Variants in FIGLA observed in about 807,000 individuals in gnomAD.
FIGLA encodes folliculogenesis specific bHLH transcription factor.
FIGLA carries 17 observed loss-of-function variants against 21.5 expected under a neutral mutation model. The ratio of observed to expected loss-of-function variants is 0.79; its 90% CI spans 0.54 to 1.19. The LOEUF is 1.19. Among genes scored for constraint, FIGLA ranks in the 50% most tolerant of loss-of-function variants. The pLI, the probability that FIGLA is intolerant of heterozygous loss-of-function variation, is 0.00. For synonymous variants in FIGLA, 129 were observed against 117.6 expected (o/e 1.10, Z -0.63); for missense variants, 282 against 285.0 (o/e 0.99, Z 0.08).
Position 70,790,579 on chromosome 2 carries a change from G to C in FIGLA, c.60C>G (p.Thr20=). The change falls in exon 1 of 5, where the codon ACC becomes ACG. Residue 20 remains threonine, a synonymous_variant. Coordinates refer to ENST00000332372, the MANE Select transcript of FIGLA (RefSeq NM_001004311.3). The part of the protein sequence containing the change: ...PRAAPPALLG[T]PQAEVLEDVL... Reference sequence around the variant, plus strand: ...CGTCCTCCAGCACCTCGGCTTGCGGGGTGCCCAGGAGCGCGGGCGGCGCGG... The same window carrying C: ...CGTCCTCCAGCACCTCGGCTTGCGGCGTGCCCAGGAGCGCGGGCGGCGCGG... 3 of 1,514,394 alleles carry C rather than the reference G, an allele frequency of 2.0e-6. No individual in the cohort carries two copies. The highest frequency in any genetic ancestry group is 1.8e-6 in the Non-Finnish European group (2 of 1,137,192). 93.8% of individuals were successfully genotyped at this position (1,514,394 alleles called of 1,614,324 possible).
rs186987046 is a variant in FIGLA at position 70,782,827 on chromosome 2, G to A, written c.609+2588C>T. Among the ~76,000 whole-genome samples, 921 of 152,230 alleles carry A rather than the reference G, an allele frequency of 6.1e-3. 11 individuals are homozygous for A. The highest frequency in any genetic ancestry group is 0.021 in the African/African-American group (878 of 41,544). On this transcript the variant is annotated intron_variant, in intron 3 of 4. Coordinates refer to ENST00000332372, the MANE Select transcript of FIGLA (RefSeq NM_001004311.3). ...CTCATGCCTGTAATCCCAGCATTCT[G>A]GGAGGCTGAGGTGGGCAGATCACGA...
intron 3 of FIGLA, among the ~76,000 whole-genome samples, chr2:70,782,199 C>T (rs1327778569): frequency 2.6e-5 from 4 of 152,174 alleles, no homozygotes; most frequent in African/African-American, 9.7e-5. Flanking sequence ...GCTTGGCAGT[C>T]ACCACCTTAA....
At chr2:70,785,044 G>A (rs1394031323) in intron 3 of FIGLA, among the ~76,000 whole-genome samples, 1 of 151,876 alleles carries the variant, frequency 6.6e-6, no homozygotes, top group African/African-American at 2.4e-5. Context: ...ACCTTTTGAT[G>A]GGTTAAATAG....
chr2:70,780,472 GGGCTGAATCTTTAC>G (rs1675834741), intron 3 of FIGLA, among the ~76,000 whole-genome samples: 1 of 152,128 alleles, frequency 6.6e-6, no homozygotes, highest in Non-Finnish European at 1.5e-5. Context: ...CAGGAAAGCT[GGGCTGAATCTTTAC>G]GAGGATCCTT....
intron 1 of FIGLA, among the ~76,000 whole-genome samples, chr2:70,788,576 C>A (rs1474602235): frequency 1.3e-5 from 2 of 152,116 alleles, no homozygotes; most frequent in African/African-American, 4.8e-5. Flanking sequence ...TGCCACAAAG[C>A]CAATATATAT....
At chr2:70,780,482 T>C (rs1553388976) in intron 3 of FIGLA, among the ~76,000 whole-genome samples, 2 of 152,134 alleles carry the variant, frequency 1.3e-5, no homozygotes, top group Non-Finnish European at 2.9e-5. Flanking sequence ...GGGCTGAATC[T>C]TTACGAGGAT....
intron 3 of FIGLA, among the ~76,000 whole-genome samples, chr2:70,777,893 G>A (rs1366999764): frequency 3.9e-5 from 6 of 152,128 alleles, no homozygotes; most frequent in Non-Finnish European, 7.4e-5. Flanking sequence ...GAAATGGGAA[G>A]GATTTTAGTG....
chr2:70,781,951 G>C (rs1409619861), intron 3 of FIGLA, among the ~76,000 whole-genome samples: 1 of 152,200 alleles, frequency 6.6e-6, no homozygotes, highest in Admixed American at 6.5e-5. Flanking sequence ...CAGTTTCCCA[G>C]TTTTGATATT....
In FIGLA at chr2:70,790,456, C is replaced by A. The variant is rs868931814; in HGVS notation, c.183G>T (p.Gln61His). The change falls in exon 1 of 5, where the codon CAG (glutamine) becomes CAT (histidine). Residue 61 changes from glutamine (Q) to histidine (H), a missense_variant. Gln to His is a conservative substitution (Grantham distance 24). Transcript: ENST00000332372. ...SGGYSSTENL[Q>H]LVLERRRVAN... ...CCACACGCCGCCGCTCCAGCACCAA[C>A]TGGAGGTTTTCAGTGGACGAGTAGC... The A allele has an allele frequency of 1.3e-6, 2 of 1,545,452 alleles. No individual in the cohort carries two copies. The highest frequency in any genetic ancestry group is 2.5e-5 in the East Asian group (1 of 40,616).
intron 2 of FIGLA, among the ~76,000 whole-genome samples, chr2:70,787,024 G>A (rs1192511454): frequency 6.6e-6 from 1 of 152,128 alleles, no homozygotes; most frequent in Non-Finnish European, 1.5e-5. Flanking sequence ...CATAAAACCA[G>A]TCCACACTTT....
chr2:70,790,104 G>A (rs1558600322), intron 1 of FIGLA, among the ~76,000 whole-genome samples: 1 of 152,200 alleles, frequency 6.6e-6, no homozygotes. Context: ...ACCTGCCCAG[G>A]GAGACATTTT....
chr2:70,790,566 C>T lies in FIGLA; in HGVS notation c.73G>A (p.Val25Met), dbSNP rs891605060. ...TGCTCCCGCAACACGTCCTCCAGCACCTCGGCTTGCGGGGTGCCCAGGAGC... is the reference window on the plus strand; with the variant it reads ...TGCTCCCGCAACACGTCCTCCAGCATCTCGGCTTGCGGGGTGCCCAGGAGC... ...PALLGTPQAEVLEDVLREQFG... is the reference protein window; with the variant it reads ...PALLGTPQAEMLEDVLREQFG... Residue 25 changes from valine (V) to methionine (M), a missense_variant, in exon 1 of 5, where the codon GTG (valine) becomes ATG (methionine). By Grantham distance (21) the Val-to-Met change is conservative (BLOSUM62 1). Coordinates refer to ENST00000332372, the MANE Select transcript of FIGLA (RefSeq NM_001004311.3). 5.2e-5 allele frequency: 79 copies of T among 1,521,862 alleles called. No homozygotes were observed. The highest frequency in any genetic ancestry group is 6.3e-5 in the Non-Finnish European group (72 of 1,140,446). The allele number at this position is 1,521,862 out of a possible 1,614,324, so 94.3% of individuals were successfully genotyped here. A position where few individuals can be genotyped will look rare whatever the true frequency, so the allele number is the denominator to read the frequency against.
intron 3 of FIGLA, among the ~76,000 whole-genome samples, chr2:70,780,422 A>G (rs1178365426): frequency 6.6e-6 from 1 of 152,176 alleles, no homozygotes; most frequent in Non-Finnish European, 1.5e-5. Context: ...CTAGGTCTCT[A>G]GTCTGGACAG....
chr2:70,785,386 G>C, intron 3 of FIGLA, 29 bp downstream of exon 3: 3 of 1,532,990 alleles, frequency 2.0e-6, no homozygotes, highest in South Asian at 2.3e-5. Context: ...TCTGATATCT[G>C]TATGGGTATT....
At position 70,787,668 on chromosome 2, in the gene FIGLA, TC is replaced by T. The variant is rs1553390227; in HGVS notation, c.364del (p.Glu122LysfsTer45). 2 of 1,575,978 alleles carry T rather than the reference TC, an allele frequency of 1.3e-6. No homozygotes were observed. Among genetic ancestry groups the T allele is most frequent in the Non-Finnish European group, 8.6e-7 (1 of 1,159,992 alleles). ...CTTTACCTTTGAGTCTTTGGCTCCT[TC>T]CAAAAGATCACTGAGAACCTGTATA... ...EYIQVLSDLL[E>X]GAKDSKKQDP... On this transcript the variant is annotated frameshift_variant, in exon 2 of 5. Transcript: ENST00000332372. LOFTEE classifies it high-confidence loss of function.
chr2:70,779,360 G>C (rs782324458), intron 3 of FIGLA, among the ~76,000 whole-genome samples: 5 of 152,184 alleles, frequency 3.3e-5, no homozygotes, highest in African/African-American at 1.2e-4. Flanking sequence ...CTCAAGCAAA[G>C]CGAGACCCAT....
chr2:70,783,077 G>T (rs1210873618), intron 3 of FIGLA, among the ~76,000 whole-genome samples: 1 of 142,676 alleles, frequency 7.0e-6, no homozygotes, highest in African/African-American at 2.6e-5. Context: ...AAAAAAAAAT[G>T]ATTTGAATGT....
At chr2:70,784,701 T>C (rs1190970651) in intron 3 of FIGLA, among the ~76,000 whole-genome samples, 1 of 152,200 alleles carries the variant, frequency 6.6e-6, no homozygotes, top group Non-Finnish European at 1.5e-5. Context: ...TGTTACAGCA[T>C]GCTTACTTCA....
Position 70,782,007 on chromosome 2 carries a change from C to T in FIGLA, c.609+3408G>A, listed in dbSNP as rs557434705. On this transcript the variant is annotated intron_variant, in intron 3 of 4. Coordinates refer to ENST00000332372, the MANE Select transcript of FIGLA (RefSeq NM_001004311.3). ...GCAACCATTGCGGAAAACTGGGCTA[C>T]GGATGCACAGCACTTTTCTGTACTA... Among the ~76,000 whole-genome samples, 31 of 152,262 alleles carry T rather than the reference C, an allele frequency of 2.0e-4. No homozygotes were observed. In the South Asian group the frequency reaches 4.1e-3, roughly 20 times the overall value.
Sources: allele counts gnomAD v4.1 joint callset (sites outside exome capture counted in the v4.1 genomes callset), GRCh38; gene constraint gnomAD v4.1.1; transcripts MANE v1.5; gene names NCBI Gene and HGNC (gene_info 2026-07-23, HGNC 2026-07-21).